BAZ1B: variants seen among roughly 807,000 people sequenced by gnomAD.
BAZ1B encodes the protein tyrosine-protein kinase BAZ1B.
BAZ1B carries 22 observed loss-of-function variants against 153.8 expected under a neutral mutation model. The observed-to-expected ratio is 0.14, with a 90% CI of 0.10 to 0.20. The LOEUF (loss-of-function observed/expected upper bound fraction) is 0.20, where lower values mean the gene tolerates loss of function less well. Ranked by LOEUF, BAZ1B falls within the 10% of genes least tolerant of loss-of-function variation. The probability of loss-of-function intolerance (pLI) is 1.00; values close to 1 mark genes in which losing one functional copy is unlikely to be tolerated. For synonymous variants in BAZ1B, 676 were observed against 633.4 expected, an observed-to-expected ratio of 1.07 and a Z score of -1.01; for missense variants, 1,325 against 1,799.3, an observed-to-expected ratio of 0.74 and a Z score of 4.77.
intron 4 of BAZ1B, 132 bp from the exon 5 acceptor site, chr7:73,493,053 T>C (rs1038701762): frequency 6.4e-6 from 6 of 933,358 alleles, no homozygotes; most frequent in Non-Finnish European, 6.2e-6. Flanking sequence ...TGAATCATAA[T>C]GTCCTTAACT....
chr7:73,492,442 G>A (rs1405401665), intron 5 of BAZ1B, among the ~76,000 whole-genome samples: 3 of 152,150 alleles, frequency 2.0e-5, no homozygotes, highest in Non-Finnish European at 2.9e-5. Context: ...GATTACAGGC[G>A]TGAGCCACCA....
rs1554565211 is a variant in BAZ1B at position 73,442,283 on chromosome 7, C to T, written c.4365G>A (p.Lys1455=). The change falls in exon 19 of 20, where the codon AAG becomes AAA. Residue 1455 remains lysine, a synonymous_variant. Transcript: ENST00000339594. Reference sequence around the variant, plus strand: ...CTTCAGCAAGCCTATCAGGAAACTTCTTGCGCTTCCTGCGGACATATGGGT... The same window carrying T: ...CTTCAGCAAGCCTATCAGGAAACTTTTTGCGCTTCCTGCGGACATATGGGT... ...PGHPYVRRKR[K]KFPDRLAEDE... The T allele has an allele frequency of 6.2e-7, 1 of 1,614,158 alleles. No individual in the cohort carries two copies. Among genetic ancestry groups the T allele is most frequent in the Admixed American group, 1.7e-5 (1 of 60,014 alleles).
intron 1 of BAZ1B, among the ~76,000 whole-genome samples, chr7:73,519,976 G>A (rs1048052867): frequency 1.3e-5 from 2 of 152,184 alleles, no homozygotes; most frequent in East Asian, 3.8e-4. Flanking sequence ...GGGAGGCCGA[G>A]ATGGGCGGAT....
chr7:73,475,193 T>C (rs1788951797), intron 7 of BAZ1B, among the ~76,000 whole-genome samples: 1 of 152,168 alleles, frequency 6.6e-6, no homozygotes, highest in African/African-American at 2.4e-5. Flanking sequence ...TTAAACATAA[T>C]CATATGACCC....
At chr7:73,492,403 C>A (rs1489556451) in intron 5 of BAZ1B, among the ~76,000 whole-genome samples, 1 of 151,972 alleles carries the variant, frequency 6.6e-6, no homozygotes, top group East Asian at 1.9e-4. Context: ...ACCTCATGAT[C>A]CGCCCACCTC....
intron 11 of BAZ1B, 67 bp from the exon 12 acceptor site, chr7:73,463,166 T>C: frequency 7.2e-7 from 1 of 1,381,226 alleles, no homozygotes; most frequent in African/African-American, 1.5e-5. Flanking sequence ...CAAATTTCAA[T>C]TACTTAACAT....
intron 12 of BAZ1B, among the ~76,000 whole-genome samples, chr7:73,460,549 A>G (rs1207608598): frequency 2.0e-5 from 3 of 152,178 alleles, no homozygotes; most frequent in Non-Finnish European, 4.4e-5. Context: ...AAGTGCAGCA[A>G]TCACAACTCA....
At chr7:73,486,199 A>G (rs879963518) in intron 6 of BAZ1B, among the ~76,000 whole-genome samples, 11 of 152,246 alleles carry the variant, frequency 7.2e-5, no homozygotes, top group Non-Finnish European at 1.6e-4. Context: ...CAAAGATTTT[A>G]GAAAACCACA....
chr7:73,446,780 A>G (rs1554566756), intron 16 of BAZ1B, among the ~76,000 whole-genome samples: 1 of 152,180 alleles, frequency 6.6e-6, no homozygotes, highest in African/African-American at 2.4e-5. Flanking sequence ...AAGCCTTCAA[A>G]TAATCAGTCG....
intron 15 of BAZ1B, among the ~76,000 whole-genome samples, chr7:73,448,068 G>T (rs1787902042): frequency 6.6e-6 from 1 of 152,238 alleles, no homozygotes; most frequent in Non-Finnish European, 1.5e-5. Context: ...ACTTTGGGAG[G>T]CTGAGGCAGG....
chr7:73,489,157 C>T lies in BAZ1B; in HGVS notation c.891+37G>A, dbSNP rs556424718. On this transcript the variant is annotated intron_variant, in intron 6 of 19. Transcript: ENST00000339594. Reference sequence around the variant, plus strand: ...TGGAGCCATCAGAGAAATAATGATGCTTTATCCTGCTGTCCAAAAATTAAC... The same window carrying T: ...TGGAGCCATCAGAGAAATAATGATGTTTTATCCTGCTGTCCAAAAATTAAC... 25 of 1,587,332 alleles carry T rather than the reference C, an allele frequency of 1.6e-5. No homozygotes were observed. In the East Asian group the frequency reaches 2.2e-4, roughly 14 times the overall value.
In BAZ1B at chr7:73,508,402, G is replaced by A. The variant is rs1790430944; in HGVS notation, c.294C>T (p.Ser98=). ...AAGCAGTATCTACTAACTTCTCTAA[G>A]GAGGCTGTGTTATGGTGAACCATTT... is the stretch of plus-strand genomic sequence containing the variant. ...VLEMVHHNTA[S]LEKLVDTAWL... Residue 98 remains serine (S), a synonymous_variant, in exon 3 of 20, where the codon TCC becomes TCT. Transcript: ENST00000339594. 1 of 1,613,946 alleles carries A rather than the reference G, an allele frequency of 6.2e-7. No individual in the cohort carries two copies. Among genetic ancestry groups the A allele is most frequent in the Non-Finnish European group, 8.5e-7 (1 of 1,179,954 alleles).
Position 73,477,689 on chromosome 7 carries a change from G to A in BAZ1B, c.1772C>T (p.Pro591Leu), listed in dbSNP as rs782291761. ...AGGGGTATCCACCAATCTGAATGCT[G>A]GAAGGTTTTTGCCAGTTAACTCTTG... ...EDQELTGKNL[P>L]AFRLVDTPEG... is the part of the protein sequence containing the mutation. Residue 591 changes from proline (P) to leucine (L), a missense_variant, in exon 7 of 20, where the codon CCA becomes CTA. Coordinates refer to ENST00000339594, the MANE Select transcript of BAZ1B (RefSeq NM_032408.4). The surrounding 1 kb of genome is among the most constrained non-coding windows in gnomAD (Gnocchi z 5.6). 1 of 1,614,162 alleles carries A rather than the reference G, an allele frequency of 6.2e-7. No homozygotes were observed. The highest frequency in any genetic ancestry group is 1.1e-5 in the South Asian group (1 of 91,072).
At chr7:73,492,269 T>C (rs1789680690) in intron 5 of BAZ1B, among the ~76,000 whole-genome samples, 1 of 152,204 alleles carries the variant, frequency 6.6e-6, no homozygotes, top group Non-Finnish European at 1.5e-5. Context: ...TTCATGCCAT[T>C]CTCCTGCCTC....
chr7:73,511,042 C>G (rs1389628767), intron 1 of BAZ1B, among the ~76,000 whole-genome samples, 190 bp from the exon 2 acceptor site: 4 of 152,028 alleles, frequency 2.6e-5, no homozygotes, highest in African/African-American at 9.7e-5. Context: ...GAGGCCGAGG[C>G]GGGCGGATCA....
At chr7:73,481,221 C>A (rs1554573617) in intron 6 of BAZ1B, among the ~76,000 whole-genome samples, 1 of 151,964 alleles carries the variant, frequency 6.6e-6, no homozygotes, top group Non-Finnish European at 1.5e-5. Flanking sequence ...CCCAGCCAGA[C>A]CCCAATTAAG....
intron 3 of BAZ1B, among the ~76,000 whole-genome samples, chr7:73,502,276 C>T (rs1341531291): frequency 6.6e-6 from 1 of 152,000 alleles, no homozygotes; most frequent in African/African-American, 2.4e-5. Context: ...TCTACATAGC[C>T]GGTCATCAAT....
intron 1 of BAZ1B, among the ~76,000 whole-genome samples, chr7:73,519,706 T>G (rs2115633592): frequency 6.6e-6 from 1 of 152,338 alleles, no homozygotes; most frequent in Admixed American, 6.5e-5. Context: ...TACAGCCATT[T>G]TTTACATAGC....
chr7:73,489,517 G>A, intron 5 of BAZ1B, 126 bp from the exon 6 acceptor site: 1 of 939,098 alleles, frequency 1.1e-6, no homozygotes, highest in Admixed American at 2.5e-5. Flanking sequence ...CTACAAATTA[G>A]AAAGAAAAAT....
Sources: gnomAD v4.1 joint callset for allele counts (sites outside exome capture counted in the v4.1 genomes callset) on GRCh38, gnomAD v4.1.1 for gene constraint, Gnocchi (gnomAD v3.1) non-coding constraint, MANE v1.5 for transcripts, NCBI Gene and HGNC (gene_info 2026-07-23, HGNC 2026-07-21) for gene names.